The following CNTNAP2 variants were observed in gnomAD, a reference collection of about 807,000 sequenced individuals.
CNTNAP2 encodes the protein contactin-associated protein-like 2.
A neutral mutation model predicts 155.2 loss-of-function variants in CNTNAP2; 98 were observed. The observed-to-expected ratio is 0.63, with a 90% CI of 0.54 to 0.75. The LOEUF is 0.75. Among genes scored for constraint, CNTNAP2 ranks in the 30% least tolerant of loss-of-function variants. The probability of loss-of-function intolerance (pLI) is 0.00; values close to 1 mark genes in which losing one functional copy is unlikely to be tolerated. For synonymous variants in CNTNAP2, 651 were observed against 631.2 expected (o/e 1.03, Z -0.47); for missense variants, 1,727 against 1,688.1 (o/e 1.02, Z -0.40).
chr7:147,980,519 G>C (rs553303691), intron 15 of CNTNAP2, among the ~76,000 whole-genome samples: 3 of 152,172 alleles, frequency 2.0e-5, no homozygotes, highest in Non-Finnish European at 4.4e-5. Context: ...TTTTGTGTCT[G>C]TGTGAGAGAG....
At chr7:147,102,199 C>T (rs1800670224) in intron 4 of CNTNAP2, among the ~76,000 whole-genome samples, 1 of 147,352 alleles carries the variant, frequency 6.8e-6, no homozygotes, top group Admixed American at 6.8e-5. Flanking sequence ...CTCAAATGAA[C>T]TCATTGGCTA....
intron 1 of CNTNAP2, among the ~76,000 whole-genome samples, chr7:146,125,568 G>T: frequency 8.2e-6 from 1 of 121,890 alleles, no homozygotes; most frequent in Non-Finnish European, 1.6e-5. Context: ...AGAGCAGAGC[G>T]AGACTCCGTC....
intron 2 of CNTNAP2, among the ~76,000 whole-genome samples, chr7:146,800,108 T>C (rs1211918828): frequency 6.6e-6 from 1 of 152,192 alleles, no homozygotes; most frequent in Non-Finnish European, 1.5e-5. Context: ...TTGTAATAAC[T>C]ATATTTTTCC....
At chr7:146,506,196 CG>C (rs1386242019) in intron 1 of CNTNAP2, among the ~76,000 whole-genome samples, 1 of 152,116 alleles carries the variant, frequency 6.6e-6, no homozygotes, top group Admixed American at 6.5e-5. Flanking sequence ...GACTGGTGGC[CG>C]TGTCTACAGC....
intron 14 of CNTNAP2, among the ~76,000 whole-genome samples, chr7:147,939,436 C>T (rs1044773471): frequency 6.6e-6 from 1 of 152,070 alleles, no homozygotes. Flanking sequence ...TCAAGCGATT[C>T]TTCTGCCTCA....
intron 13 of CNTNAP2, among the ~76,000 whole-genome samples, chr7:147,754,035 T>C (rs1458912372): frequency 6.6e-6 from 1 of 152,082 alleles, no homozygotes; most frequent in Non-Finnish European, 1.5e-5. Context: ...CAGCCCTCGT[T>C]TCAGCTCTAA....
chr7:146,647,362 C>T (rs1294491052), intron 1 of CNTNAP2, among the ~76,000 whole-genome samples: 1 of 91,218 alleles, frequency 1.1e-5, no homozygotes, highest in East Asian at 3.1e-4. Flanking sequence ...TATATTAGTC[C>T]ATGATGTACA....
chr7:147,172,734 C>A (rs1802258328), intron 8 of CNTNAP2, among the ~76,000 whole-genome samples: 1 of 152,016 alleles, frequency 6.6e-6, no homozygotes, highest in Non-Finnish European at 1.5e-5. Flanking sequence ...TTTCTTGGAG[C>A]TAAACTCAAG....
At chr7:147,528,278 G>A (rs879520528) in intron 11 of CNTNAP2, among the ~76,000 whole-genome samples, 40 of 152,186 alleles carry the variant, frequency 2.6e-4, no homozygotes, top group African/African-American at 8.9e-4. Context: ...CACAGGGATC[G>A]TGGCATAAGG....
intron 1 of CNTNAP2, among the ~76,000 whole-genome samples, chr7:146,629,038 G>A (rs1799466760): frequency 1.3e-5 from 2 of 152,090 alleles, no homozygotes; most frequent in South Asian, 2.1e-4. Context: ...TATGATAATG[G>A]TTGATTTCCC....
At chr7:147,485,816 T>A (rs1584764052) in intron 10 of CNTNAP2, 119 bp from the exon 11 acceptor site, 1 of 906,850 alleles carries the variant, frequency 1.1e-6, no homozygotes. Flanking sequence ...CAAGGATTAA[T>A]TGCCTTGGTA....
At chr7:147,955,548 A>G (rs1801005341) in intron 14 of CNTNAP2, among the ~76,000 whole-genome samples, 1 of 152,182 alleles carries the variant, frequency 6.6e-6, no homozygotes, top group Non-Finnish European at 1.5e-5. Flanking sequence ...CCTGAAAGGT[A>G]TTCAGAACCC....
intron 1 of CNTNAP2, among the ~76,000 whole-genome samples, chr7:146,168,983 G>A (rs1031059763): frequency 6.6e-6 from 1 of 152,070 alleles, no homozygotes; most frequent in Non-Finnish European, 1.5e-5. Context: ...AGCCGCAGTG[G>A]CCTTTTTCCA....
intron 10 of CNTNAP2, among the ~76,000 whole-genome samples, chr7:147,482,452 C>A (rs918233973): frequency 6.6e-6 from 1 of 152,152 alleles, no homozygotes; most frequent in Non-Finnish European, 1.5e-5. Flanking sequence ...CGTGTGGTGG[C>A]TCACGCCTGT....
Position 147,395,789 on chromosome 7 carries a change from T to C in CNTNAP2, c.1670+9T>C. 6.2e-7 allele frequency: 1 copy of C among 1,611,628 alleles called. No individual in the cohort carries two copies. Among genetic ancestry groups the C allele is most frequent in the South Asian group, 1.1e-5 (1 of 91,038 alleles). ...TGTGCGATCATAGACAGGTAAATGA[T>C]CTTTTCATCCTACCTCACGTTGTCC... On this transcript the variant is annotated intron_variant, in intron 10 of 23. Transcript: ENST00000361727.
chr7:147,705,107 G>A (rs1796291093), intron 13 of CNTNAP2, among the ~76,000 whole-genome samples: 1 of 151,660 alleles, frequency 6.6e-6, no homozygotes, highest in Non-Finnish European at 1.5e-5. Flanking sequence ...ATTAATTGGG[G>A]CTTTGGATTG....
intron 12 of CNTNAP2, among the ~76,000 whole-genome samples, chr7:147,573,476 C>T (rs1800332109): frequency 6.6e-6 from 1 of 152,068 alleles, no homozygotes; most frequent in Non-Finnish European, 1.5e-5. Flanking sequence ...CCTATTTGTC[C>T]TTCTGTTTCT....
intron 22 of CNTNAP2, among the ~76,000 whole-genome samples, chr7:148,403,424 A>G (rs1161122797): frequency 6.6e-6 from 1 of 152,130 alleles, no homozygotes; most frequent in Non-Finnish European, 1.5e-5. Context: ...GATCCGCAAG[A>G]GAAGTATGTT....
chr7:147,878,338 C>A (rs969425046), intron 13 of CNTNAP2, among the ~76,000 whole-genome samples: 3 of 151,986 alleles, frequency 2.0e-5, no homozygotes, highest in African/African-American at 7.2e-5. Flanking sequence ...CAAATTAATT[C>A]TTGTTCTCTA....
Sources: allele counts gnomAD v4.1 joint callset (sites outside exome capture counted in the v4.1 genomes callset), GRCh38; gene constraint gnomAD v4.1.1; transcripts MANE v1.5; gene names NCBI Gene and HGNC (gene_info 2026-07-23, HGNC 2026-07-21).